KDELR2: variants seen among roughly 807,000 people sequenced by gnomAD.
KDELR2 encodes the protein KDEL endoplasmic reticulum protein retention receptor 2.
A neutral mutation model predicts 23.9 loss-of-function variants in KDELR2; 15 were observed. The ratio of observed to expected loss-of-function variants is 0.63; its 90% CI spans 0.42 to 0.97. KDELR2 has a LOEUF of 0.97. KDELR2 is among the 50% of genes least tolerant of loss of function. The pLI is 0.00. For missense variants in KDELR2, 272 were observed against 254.6 expected, an observed-to-expected ratio of 1.07 and a Z score of -0.46; for synonymous variants, 119 against 106.2, an observed-to-expected ratio of 1.12 and a Z score of -0.74.
chr7:6,477,150 G>C (rs936194150), intron 1 of KDELR2, among the ~76,000 whole-genome samples: 1 of 152,208 alleles, frequency 6.6e-6, no homozygotes, highest in Non-Finnish European at 1.5e-5. Flanking sequence ...ACTAGCTAGA[G>C]GGTGAGAGAG....
At chr7:6,478,562 A>G (rs74411128) in intron 1 of KDELR2, among the ~76,000 whole-genome samples, 2,883 of 152,198 alleles carry the variant, frequency 0.019, 88 homozygotes, top group African/African-American at 0.065. Context: ...TTTTATTTGT[A>G]GGAGTACTTT....
intron 2 of KDELR2, among the ~76,000 whole-genome samples, chr7:6,473,751 C>G (rs747940786): frequency 1.6e-4 from 24 of 152,252 alleles, no homozygotes; most frequent in African/African-American, 5.1e-4. Flanking sequence ...ATAGACAGTT[C>G]CTCACACAGC....
Position 6,484,116 on chromosome 7 carries a change from G to C in KDELR2, c.-59C>G. The C allele has an allele frequency of 8.1e-7, 1 of 1,237,254 alleles. No individual in the cohort carries two copies. The highest frequency in any genetic ancestry group is 2.7e-5 in the South Asian group (1 of 37,028). 76.6% of individuals were successfully genotyped at this position (1,237,254 alleles called of 1,614,324 possible). ...GCGGCCCCGGGGCTGGGCGGCTCAG[G>C]AGGCGGCGGCCCCTGAGAGGAAGCG... is the stretch of plus-strand genomic sequence containing the variant. On this transcript the variant is annotated 5_prime_UTR_variant, in exon 1 of 5. Coordinates refer to ENST00000258739, the MANE Select transcript of KDELR2 (RefSeq NM_006854.4).
intron 4 of KDELR2, among the ~76,000 whole-genome samples, chr7:6,463,721 T>TA (rs1562497707): frequency 6.8e-6 from 1 of 147,428 alleles, no homozygotes; most frequent in African/African-American, 2.5e-5. Context: ...GCAGCCTGAG[T>TA]AACAGAGTGA....
Position 6,466,192 on chromosome 7 carries a change from C to T in KDELR2, c.483G>A (p.Leu161=). ...AGCGCCAGATCCAGTTGACAAGATA[C>T]AAAGCACGATAGAGGCCCAGGAAGA... ...YLFFLGLYRA[L]YLVNWIWRFY... Residue 161 remains leucine, a synonymous_variant, in exon 4 of 5, where the codon TTG becomes TTA. Transcript: ENST00000258739. 2.5e-6 allele frequency: 4 copies of T among 1,614,164 alleles called. No homozygotes were observed. The highest frequency in any genetic ancestry group is 3.4e-6 in the Non-Finnish European group (4 of 1,180,032).
chr7:6,471,313 C>T (rs1299303846), intron 2 of KDELR2, among the ~76,000 whole-genome samples: 2 of 149,806 alleles, frequency 1.3e-5, no homozygotes, highest in African/African-American at 4.9e-5. Context: ...TCCCAAGTAG[C>T]TGGGATTACA....
intron 1 of KDELR2, chr7:6,482,434 T>C (rs1255929810): frequency 9.2e-6 from 3 of 326,890 alleles, no homozygotes; most frequent in African/African-American, 4.4e-5. Flanking sequence ...AATCATACAG[T>C]TGAACCTCTC....
Position 6,469,594 on chromosome 7 carries a change from A to T in KDELR2, c.351+2T>A, listed in dbSNP as rs757753147. 1 of 1,613,138 alleles carries T rather than the reference A, an allele frequency of 6.2e-7. No individual in the cohort carries two copies. Among genetic ancestry groups the T allele is most frequent in the Non-Finnish European group, 8.5e-7 (1 of 1,179,678 alleles). ...TGGCCCTAAGTAACCTTTTAAACTA[A>T]CCTCAAGAGGAGAGAAATCGTGATT... On this transcript the variant is annotated splice_donor_variant, in intron 3 of 4. Transcript: ENST00000258739. LOFTEE classifies it high-confidence loss of function.
rs573942935 is a variant in KDELR2 at position 6,482,052 on chromosome 7, G to C, written c.91+1915C>G. 3.9e-5 allele frequency among the ~76,000 whole-genome samples: 6 copies of C among 151,914 alleles called. No homozygotes were observed. The South Asian group carries it at 1.3e-3, about 32-fold the overall frequency. ...GGTTTCGCTCTCGTTGCCCAGGCTG[G>C]AGTGCAATGGCGCGATCTCAGCTCA... On this transcript the variant is annotated intron_variant, in intron 1 of 4. Coordinates refer to ENST00000258739, the MANE Select transcript of KDELR2 (RefSeq NM_006854.4).
chr7:6,481,230 G>A (rs1408691783), intron 1 of KDELR2, among the ~76,000 whole-genome samples: 6 of 151,856 alleles, frequency 4.0e-5, no homozygotes, highest in Admixed American at 6.6e-5. Context: ...TTAGCCGAGC[G>A]TGGTGGCAAG....
At chr7:6,483,848 G>T (rs532276885) in intron 1 of KDELR2, 119 bp downstream of exon 1, 5 of 766,710 alleles carry the variant, frequency 6.5e-6, no homozygotes, top group Non-Finnish European at 8.7e-6. Context: ...TAGGCCGGCC[G>T]AGGGGGTGTG....
At chr7:6,472,803 A>T (rs1785678436) in intron 2 of KDELR2, among the ~76,000 whole-genome samples, 1 of 152,094 alleles carries the variant, frequency 6.6e-6, no homozygotes, top group Non-Finnish European at 1.5e-5. Flanking sequence ...AATGGCCTAG[A>T]ATAGTGCCTG....
intron 1 of KDELR2, among the ~76,000 whole-genome samples, chr7:6,481,719 C>T (rs1002052625): frequency 6.6e-6 from 1 of 151,878 alleles, no homozygotes; most frequent in African/African-American, 2.4e-5. Flanking sequence ...GACATCGGTC[C>T]CACTGTTTTA....
chr7:6,483,608 C>T (rs1270151763), intron 1 of KDELR2, among the ~76,000 whole-genome samples: 1 of 152,224 alleles, frequency 6.6e-6, no homozygotes, highest in Non-Finnish European at 1.5e-5. Context: ...CACGGGAGAT[C>T]CCGGCCGGAG....
rs1164476104 is a variant in KDELR2 at position 6,469,655 on chromosome 7, G to A, written c.292C>T (p.Leu98=). 2.5e-6 allele frequency: 4 copies of A among 1,614,126 alleles called. No individual in the cohort carries two copies. The South Asian group carries it at 4.4e-5, about 18-fold the overall frequency. The change falls in exon 3 of 5, where the codon CTG becomes TTG. Residue 98 remains leucine, a synonymous_variant. Coordinates refer to ENST00000258739, the MANE Select transcript of KDELR2 (RefSeq NM_006854.4). The part of the protein sequence containing the change: ...GNHDTFRVEF[L]VVPVGGLSFL... Reference sequence around the variant, plus strand: ...GAGAGGCCTCCCACAGGGACCACCAGAAACTCCACTCGGAAGGTATCATGA... The same window carrying A: ...GAGAGGCCTCCCACAGGGACCACCAAAAACTCCACTCGGAAGGTATCATGA...
At chr7:6,471,877 T>A (rs1217221787) in intron 2 of KDELR2, among the ~76,000 whole-genome samples, 2 of 151,200 alleles carry the variant, frequency 1.3e-5, no homozygotes, top group South Asian at 4.2e-4. Flanking sequence ...GTGGGACTGC[T>A]GGGTCATATG....
Position 6,469,778 on chromosome 7 carries a change from A to G in KDELR2, c.193-24T>C, listed in dbSNP as rs1470912484. ...ACCTACAAATAAAAGAAAAAACACC[A>G]GGTGTCAATACCTTGCCACTGTTCC... On this transcript the variant is annotated intron_variant, in intron 2 of 4. Transcript: ENST00000258739. 4 of 1,594,488 alleles carry G rather than the reference A, an allele frequency of 2.5e-6. No homozygotes were observed. The South Asian group carries it at 4.5e-5, about 18-fold the overall frequency.
chr7:6,482,613 G>T (rs978615106), intron 1 of KDELR2: 2 of 468,440 alleles, frequency 4.3e-6, no homozygotes, highest in South Asian at 1.6e-5. Context: ...ATTCAGAGAT[G>T]TAAGTGTGAC....
At position 6,469,583 on chromosome 7, in the gene KDELR2, CT is replaced by C; in HGVS notation, c.351+12del. 6.2e-7 allele frequency: 1 copy of C among 1,612,436 alleles called. No individual in the cohort carries two copies. The highest frequency in any genetic ancestry group is 8.5e-7 in the Non-Finnish European group (1 of 1,179,376). On this transcript the variant is annotated intron_variant, in intron 3 of 4. Coordinates refer to ENST00000258739, the MANE Select transcript of KDELR2 (RefSeq NM_006854.4). Reference sequence around the variant, plus strand: ...GCCACCATGCCTGGCCCTAAGTAACCTTTTAAACTAACCTCAAGAGGAGAGA... The same window carrying C: ...GCCACCATGCCTGGCCCTAAGTAACCTTTAAACTAACCTCAAGAGGAGAGA...
Sources: gnomAD v4.1 joint callset for allele counts (sites outside exome capture counted in the v4.1 genomes callset) on GRCh38, gnomAD v4.1.1 for gene constraint, MANE v1.5 for transcripts, NCBI Gene and HGNC (gene_info 2026-07-23, HGNC 2026-07-21) for gene names.